ASRGL1: variants seen among roughly 807,000 people sequenced by gnomAD.
ASRGL1 encodes the protein asparaginase and isoaspartyl peptidase 1.
ASRGL1 carries 16 observed loss-of-function variants against 22.4 expected under a neutral mutation model. The ratio of observed to expected loss-of-function variants is 0.71; its 90% CI spans 0.48 to 1.08. The LOEUF (loss-of-function observed/expected upper bound fraction) is 1.08. Among genes scored for constraint, ASRGL1 ranks in the 50% least tolerant of loss-of-function variants. The pLI is 0.00. For missense variants in ASRGL1, 412 were observed against 410.1 expected (o/e 1.00, Z -0.04); for synonymous variants, 165 against 159.3 (o/e 1.04, Z -0.27).
At chr11:62,343,459 G>A (rs1007916818) in intron 2 of ASRGL1, among the ~76,000 whole-genome samples, 8 of 150,970 alleles carry the variant, frequency 5.3e-5, no homozygotes, top group South Asian at 4.2e-4. Flanking sequence ...CAGGCTGGGC[G>A]CAGCTCATGC....
chr11:62,387,103 A>G (rs1180813978), intron 4 of ASRGL1, among the ~76,000 whole-genome samples: 1 of 148,934 alleles, frequency 6.7e-6, no homozygotes, highest in Non-Finnish European at 1.5e-5. Context: ...GAGTTTCACC[A>G]TGTTGACCAG....
chr11:62,366,013 A>G (rs1477776514), intron 4 of ASRGL1, among the ~76,000 whole-genome samples: 1 of 148,492 alleles, frequency 6.7e-6, no homozygotes, highest in Non-Finnish European at 1.5e-5. Context: ...TAATCCTAGA[A>G]CTTTGGGAGG....
At chr11:62,396,180 A>C (rs1947431001), downstream of ASRGL1, among the ~76,000 whole-genome samples, 3 of 147,830 alleles carry the variant, frequency 2.0e-5, no homozygotes, top group Non-Finnish European at 3.0e-5. Context: ...CCAGAGAGGA[A>C]TGGGGATGGG....
intron 2 of ASRGL1, among the ~76,000 whole-genome samples, chr11:62,348,792 G>A (rs1010503784): frequency 1.3e-5 from 2 of 152,126 alleles, no homozygotes; most frequent in Non-Finnish European, 2.9e-5. Context: ...GAGATGGTTG[G>A]CAGGTCCAGG....
intron 2 of ASRGL1, among the ~76,000 whole-genome samples, chr11:62,350,293 T>G (rs943815140): frequency 2.0e-5 from 3 of 152,212 alleles, no homozygotes; most frequent in South Asian, 4.1e-4. Flanking sequence ...CTGAGTAGTA[T>G]TCTCTAGTAT....
At chr11:62,398,840 A>G in the ASRGL1 span, among the ~76,000 whole-genome samples, 1 of 152,154 alleles carries the variant, frequency 6.6e-6, no homozygotes, top group Non-Finnish European at 1.5e-5. Context: ...AAAGTCCATC[A>G]CTTTCCCCAA....
chr11:62,349,203 G>A (rs950241505), intron 2 of ASRGL1, among the ~76,000 whole-genome samples: 1 of 152,104 alleles, frequency 6.6e-6, no homozygotes, highest in East Asian at 1.9e-4. Context: ...TCCTGACCTC[G>A]TGATCCTCTC....
intron 4 of ASRGL1, chr11:62,372,065 A>T (rs1380566272): frequency 1.3e-6 from 1 of 757,430 alleles, no homozygotes; most frequent in Non-Finnish European, 2.4e-6. Context: ...CCGGGTGCGG[A>T]CAGTGGTCTC....
chr11:62,371,049 A>G, intron 4 of ASRGL1: 1 of 499,218 alleles, frequency 2.0e-6, no homozygotes, highest in Non-Finnish European at 3.4e-6. Context: ...GGCCAGGAAA[A>G]AAAAAAAAGC....
At chr11:62,349,200 C>A (rs1259266579) in intron 2 of ASRGL1, among the ~76,000 whole-genome samples, 1 of 152,182 alleles carries the variant, frequency 6.6e-6, no homozygotes, top group East Asian at 1.9e-4. Flanking sequence ...AACTCCTGAC[C>A]TCGTGATCCT....
rs1342640255 is a variant in ASRGL1 at position 62,337,955 on chromosome 11, C to T, written c.-23C>T. 84 of 1,575,366 alleles carry T rather than the reference C, an allele frequency of 5.3e-5. No homozygotes were observed. Among genetic ancestry groups the T allele is most frequent in the African/African-American group, 8.1e-5 (6 of 74,436 alleles). ...TGGCTTTGGACGACGCTTTCGCCTT[C>T]CTGCTGCCTAGGATCCGCCGACATG... On this transcript the variant is annotated 5_prime_UTR_variant, in exon 2 of 7. Transcript: ENST00000415229.
intron 4 of ASRGL1, among the ~76,000 whole-genome samples, chr11:62,365,129 C>T (rs1946579703): frequency 6.6e-6 from 1 of 151,290 alleles, no homozygotes; most frequent in Admixed American, 6.6e-5. Context: ...ATGGTAGTTA[C>T]CAGGAGTGGG....
chr11:62,392,018 A>G (rs1487427023), intron 6 of ASRGL1, 61 bp from the exon 7 acceptor site: 32 of 1,574,948 alleles, frequency 2.0e-5, no homozygotes, highest in African/African-American at 2.7e-5. Context: ...ATGGCAAGTG[A>G]TTTTCCCATG....
intron 1 of ASRGL1, 25 bp from the exon 2 acceptor site, chr11:62,337,863 AAC>A: frequency 8.3e-7 from 1 of 1,198,090 alleles, no homozygotes; most frequent in Non-Finnish European, 1.2e-6. Flanking sequence ...AGCCGTTCAG[AAC>A]AGAGACTGGG....
intron 4 of ASRGL1, among the ~76,000 whole-genome samples, chr11:62,385,591 G>C (rs972989808): frequency 2.0e-5 from 3 of 152,226 alleles, no homozygotes; most frequent in African/African-American, 7.2e-5. Flanking sequence ...AGGGCCAGGC[G>C]TGGTGCCTCA....
chr11:62,370,122 T>A (rs1483141810), intron 4 of ASRGL1, among the ~76,000 whole-genome samples: 1 of 152,072 alleles, frequency 6.6e-6, no homozygotes, highest in Non-Finnish European at 1.5e-5. Flanking sequence ...TGGCTCTATT[T>A]AAGATGGCTT....
chr11:62,366,590 ATT>A (rs1430929509), intron 4 of ASRGL1, among the ~76,000 whole-genome samples: 1 of 148,646 alleles, frequency 6.7e-6, no homozygotes. Context: ...CTTTTTACAA[ATT>A]TGCCTAGTTT....
intron 4 of ASRGL1, among the ~76,000 whole-genome samples, chr11:62,388,137 A>G (rs569239975): frequency 2.6e-5 from 4 of 152,330 alleles, no homozygotes; most frequent in African/African-American, 7.2e-5. Context: ...TTGTCACACA[A>G]TGGTAAGTAC....
downstream of ASRGL1, among the ~76,000 whole-genome samples, chr11:62,397,842 A>G (rs184373842): frequency 1.3e-5 from 2 of 152,332 alleles, no homozygotes; most frequent in East Asian, 3.9e-4. Context: ...ATTGCTTGCC[A>G]AGAAATGTTC....
Sources: allele counts gnomAD v4.1 joint callset (sites outside exome capture counted in the v4.1 genomes callset), GRCh38; gene constraint gnomAD v4.1.1; transcripts MANE v1.5; gene names NCBI Gene and HGNC (gene_info 2026-07-23, HGNC 2026-07-21).